DSCAM: variants seen among roughly 807,000 people sequenced by gnomAD.
DSCAM encodes DS cell adhesion molecule.
A neutral mutation model predicts 217.7 loss-of-function variants in DSCAM; 47 were observed. The ratio of observed to expected loss-of-function variants is 0.22; its 90% CI spans 0.17 to 0.28. The LOEUF (loss-of-function observed/expected upper bound fraction) is 0.28. Ranked by LOEUF, DSCAM falls within the 10% of genes least tolerant of loss-of-function variation. The probability of loss-of-function intolerance (pLI) is 1.00; values close to 1 mark genes in which losing one functional copy is unlikely to be tolerated. For missense variants in DSCAM, 2,080 were observed against 2,618.3 expected (o/e 0.79, Z 4.49); for synonymous variants, 1,056 against 1,015.3 (o/e 1.04, Z -0.76).
chr21:40,082,699 G>GAA (rs35477822), intron 24 of DSCAM, among the ~76,000 whole-genome samples: 2 of 137,990 alleles, frequency 1.4e-5, no homozygotes, highest in African/African-American at 2.7e-5. Context: ...TTTCCTAAAA[G>GAA]AAAAAAAAAA....
chr21:40,468,525 T>C (rs987355521), intron 3 of DSCAM, among the ~76,000 whole-genome samples: 10 of 151,984 alleles, frequency 6.6e-5, no homozygotes, highest in African/African-American at 2.2e-4. Flanking sequence ...ACAGCAAATA[T>C]TGCACACAGG....
At chr21:40,640,207 G>A in intron 3 of DSCAM, among the ~76,000 whole-genome samples, 1 of 121,856 alleles carries the variant, frequency 8.2e-6, no homozygotes, top group Non-Finnish European at 1.9e-5. Context: ...ATGGGAAGGT[G>A]GGACTTGAGG....
Position 40,084,135 on chromosome 21 carries a change from C to T in DSCAM, c.4133-129G>A, listed in dbSNP as rs2089501238. 4.7e-6 allele frequency: 3 copies of T among 637,988 alleles called. No homozygotes were observed. In the East Asian group the frequency reaches 8.9e-5, roughly 19 times the overall value. The allele number at this position is 637,988 out of a possible 1,614,324, so 39.5% of individuals were successfully genotyped here. A position where few individuals can be genotyped will look rare whatever the true frequency, so the allele number is the denominator to read the frequency against. On this transcript the variant is annotated intron_variant, in intron 23 of 32. Transcript: ENST00000400454. ...AAGTGTTTCAGTTTGCCAAAATATACAATTCACTTCTGTCAAAATGTCTAT... is the reference window on the plus strand; with the variant it reads ...AAGTGTTTCAGTTTGCCAAAATATATAATTCACTTCTGTCAAAATGTCTAT...
chr21:40,688,687 G>C (rs947371205), intron 3 of DSCAM, among the ~76,000 whole-genome samples: 1 of 152,090 alleles, frequency 6.6e-6, no homozygotes, highest in Non-Finnish European at 1.5e-5. Context: ...CTTTTCCTCT[G>C]CACATTTACG....
At chr21:40,211,612 T>C (rs867712277) in intron 11 of DSCAM, among the ~76,000 whole-genome samples, 50 of 152,340 alleles carry the variant, frequency 3.3e-4, no homozygotes, top group Middle Eastern at 6.8e-3. Context: ...GCATTTTTGA[T>C]GTGTAGACCT....
chr21:40,532,744 C>T (rs1039917856), intron 3 of DSCAM, among the ~76,000 whole-genome samples: 3 of 151,844 alleles, frequency 2.0e-5, no homozygotes, highest in Admixed American at 2.0e-4. Flanking sequence ...CCTGGGGTAA[C>T]CTGGGGGAGA....
chr21:40,483,982 G>C (rs1422113171), intron 3 of DSCAM, among the ~76,000 whole-genome samples: 1 of 152,188 alleles, frequency 6.6e-6, no homozygotes, highest in Non-Finnish European at 1.5e-5. Context: ...TTTTAATCCT[G>C]ACATTTTGGC....
At chr21:40,500,802 T>C (rs1213050872) in intron 3 of DSCAM, among the ~76,000 whole-genome samples, 1 of 152,178 alleles carries the variant, frequency 6.6e-6, no homozygotes, top group African/African-American at 2.4e-5. Flanking sequence ...ATACTGCTCT[T>C]CTGCCCTATA....
chr21:40,346,899 A>T (rs887534442), intron 6 of DSCAM, among the ~76,000 whole-genome samples: 20 of 152,100 alleles, frequency 1.3e-4, no homozygotes, highest in African/African-American at 4.6e-4. Flanking sequence ...CCCCCACCCC[A>T]CCCAGCAAAC....
At chr21:40,572,258 T>C (rs1043959112) in intron 3 of DSCAM, among the ~76,000 whole-genome samples, 1 of 152,172 alleles carries the variant, frequency 6.6e-6, no homozygotes, top group African/African-American at 2.4e-5. Context: ...TTTTAAAGTT[T>C]AGTATAATTG....
At chr21:40,401,076 G>C (rs777338358) in intron 3 of DSCAM, among the ~76,000 whole-genome samples, 3 of 152,168 alleles carry the variant, frequency 2.0e-5, no homozygotes, top group Non-Finnish European at 4.4e-5. Context: ...TTTCCTTGAA[G>C]TAACAGGATC....
At chr21:40,560,662 T>C (rs1208013351) in intron 3 of DSCAM, among the ~76,000 whole-genome samples, 1 of 152,178 alleles carries the variant, frequency 6.6e-6, no homozygotes, top group Non-Finnish European at 1.5e-5. Flanking sequence ...TGAAATGTGC[T>C]CAGAACACTC....
At chr21:40,787,268 A>G (rs1045065602) in intron 1 of DSCAM, among the ~76,000 whole-genome samples, 22 of 152,186 alleles carry the variant, frequency 1.4e-4, no homozygotes, top group Non-Finnish European at 2.9e-4. Flanking sequence ...GTTTTTTCCC[A>G]GACCTGAGAT....
At chr21:40,310,952 T>A (rs942825101) in intron 9 of DSCAM, among the ~76,000 whole-genome samples, 34 of 152,208 alleles carry the variant, frequency 2.2e-4, no homozygotes, top group Non-Finnish European at 4.1e-4. Context: ...AATTTTTTTT[T>A]TCAGAAATAC....
chr21:40,766,107 G>C (rs538322110), intron 1 of DSCAM, among the ~76,000 whole-genome samples: 1 of 152,156 alleles, frequency 6.6e-6, no homozygotes, highest in Non-Finnish European at 1.5e-5. Flanking sequence ...AATTGCGGCC[G>C]TTTCCCTCCT....
intron 3 of DSCAM, among the ~76,000 whole-genome samples, chr21:40,385,746 T>C (rs2075078027): frequency 6.6e-6 from 1 of 152,196 alleles, no homozygotes; most frequent in South Asian, 2.1e-4. Context: ...CTCGTCCCCC[T>C]CTGACAGCTC....
chr21:40,750,423 G>C (rs2091216677), intron 1 of DSCAM, among the ~76,000 whole-genome samples: 1 of 152,130 alleles, frequency 6.6e-6, no homozygotes, highest in South Asian at 2.1e-4. Context: ...AGTCTCTGTT[G>C]CTGGTTCCTA....
At chr21:40,486,991 T>C (rs1188138581) in intron 3 of DSCAM, among the ~76,000 whole-genome samples, 1 of 152,024 alleles carries the variant, frequency 6.6e-6, no homozygotes, top group African/African-American at 2.4e-5. Context: ...TGGTCTCACT[T>C]TCTGCTTCTA....
intron 14 of DSCAM, among the ~76,000 whole-genome samples, chr21:40,179,831 G>A (rs117003775): frequency 1.4e-3 from 210 of 152,352 alleles, no homozygotes; most frequent in Non-Finnish European, 2.1e-3. Context: ...AAGCAAGGAT[G>A]AGAATGTCAA....
Sources: gnomAD v4.1 joint callset for allele counts (sites outside exome capture counted in the v4.1 genomes callset) on GRCh38, gnomAD v4.1.1 for gene constraint, MANE v1.5 for transcripts, NCBI Gene and HGNC (gene_info 2026-07-23, HGNC 2026-07-21) for gene names.